Variants in PIAS1 observed in about 807,000 individuals in gnomAD.
PIAS1 encodes E3 SUMO-protein ligase PIAS1.
Under a neutral mutation model 71.3 loss-of-function variants are expected in PIAS1, and 6 were observed. The ratio of observed to expected loss-of-function variants is 0.08; its 90% CI spans 0.05 to 0.17. The LOEUF is 0.17. Among genes scored for constraint, PIAS1 ranks in the 10% least tolerant of loss-of-function variants. The pLI is 1.00. For synonymous variants in PIAS1, 303 were observed against 292.9 expected, an observed-to-expected ratio of 1.03 and a Z score of -0.35; for missense variants, 555 against 793.6, an observed-to-expected ratio of 0.70 and a Z score of 3.61.
chr15:68,059,209 G>T (rs933933517), intron 1 of PIAS1, among the ~76,000 whole-genome samples: 2 of 151,654 alleles, frequency 1.3e-5, no homozygotes, highest in African/African-American at 4.8e-5. Flanking sequence ...GCGTTTCACC[G>T]TGTTGGTCAG....
In PIAS1 at chr15:68,087,452, A is replaced by G. The variant is rs993376294; in HGVS notation, c.469+702A>G. ...TAAAACTCAACTGTTGTGACCTCTG[A>G]TGCCTTTGGTATAATATATTTAAAA... On this transcript the variant is annotated intron_variant, in intron 2 of 13. Coordinates refer to ENST00000249636, the MANE Select transcript of PIAS1 (RefSeq NM_016166.3). Among the ~76,000 whole-genome samples, 5 of 152,224 alleles carry G rather than the reference A, an allele frequency of 3.3e-5. No individual in the cohort carries two copies. The South Asian group carries it at 8.3e-4, about 25-fold the overall frequency.
chr15:68,166,046 A>G (rs911902635), intron 8 of PIAS1, among the ~76,000 whole-genome samples: 11 of 152,200 alleles, frequency 7.2e-5, no homozygotes, highest in Non-Finnish European at 1.5e-4. Flanking sequence ...TTTGTAATTT[A>G]TGAAACTTCA....
At position 68,167,162 on chromosome 15, in the gene PIAS1, T is replaced by C. The variant is rs2092962655; in HGVS notation, c.1008+2358T>C. On this transcript the variant is annotated intron_variant, in intron 8 of 13. Coordinates refer to ENST00000249636, the MANE Select transcript of PIAS1 (RefSeq NM_016166.3). This position sits in a 1 kb window ranked among gnomAD's most constrained non-coding sequence, Gnocchi z 4.4. Reference sequence around the variant, plus strand: ...TTGACATCTGCTTTAAAAATTCAGATTATAAAACAAAACAACTATATATGT... The same window carrying C: ...TTGACATCTGCTTTAAAAATTCAGACTATAAAACAAAACAACTATATATGT... 6.6e-6 allele frequency among the ~76,000 whole-genome samples: 1 copy of C among 151,160 alleles called. No homozygotes were observed. Among genetic ancestry groups the C allele is most frequent in the South Asian group, 2.1e-4 (1 of 4,792 alleles).
intron 2 of PIAS1, among the ~76,000 whole-genome samples, chr15:68,095,249 T>C (rs1048784789): frequency 6.6e-6 from 1 of 152,110 alleles, no homozygotes; most frequent in Non-Finnish European, 1.5e-5. Flanking sequence ...AGTATAATAC[T>C]GTATAGTGTT....
At chr15:68,162,573 T>G (rs2092931277) in intron 7 of PIAS1, among the ~76,000 whole-genome samples, 1 of 152,130 alleles carries the variant, frequency 6.6e-6, no homozygotes. Context: ...CCACAATAGA[T>G]AGGCCATCAG....
At chr15:68,129,266 C>G (rs1025895431) in intron 2 of PIAS1, among the ~76,000 whole-genome samples, 1 of 152,108 alleles carries the variant, frequency 6.6e-6, no homozygotes, top group Non-Finnish European at 1.5e-5. Context: ...CAGGGTCTCA[C>G]TATATTGCCC....
At chr15:68,131,054 A>C (rs543564556) in intron 2 of PIAS1, among the ~76,000 whole-genome samples, 1 of 152,246 alleles carries the variant, frequency 6.6e-6, no homozygotes, top group South Asian at 2.1e-4. Flanking sequence ...CCAAGGTCAC[A>C]CAATTACTGA....
At chr15:68,128,894 A>C (rs2141029027) in intron 2 of PIAS1, among the ~76,000 whole-genome samples, 1 of 152,282 alleles carries the variant, frequency 6.6e-6, no homozygotes, top group South Asian at 2.1e-4. Context: ...GAAAAGATAA[A>C]CATTGATAAT....
intron 2 of PIAS1, among the ~76,000 whole-genome samples, chr15:68,139,442 C>T (rs2092755077): frequency 1.3e-5 from 2 of 152,144 alleles, no homozygotes; most frequent in South Asian, 2.1e-4. Context: ...TAGCAAAGTA[C>T]TTGTACATAC....
chr15:68,093,203 A>G (rs1163350970), intron 2 of PIAS1, among the ~76,000 whole-genome samples: 2 of 152,250 alleles, frequency 1.3e-5, no homozygotes, highest in Non-Finnish European at 2.9e-5. Context: ...GGTCTTTCCC[A>G]GAGCATTTAA....
intron 4 of PIAS1, among the ~76,000 whole-genome samples, chr15:68,143,413 G>A (rs2092785942): frequency 6.6e-6 from 1 of 152,078 alleles, no homozygotes; most frequent in Non-Finnish European, 1.5e-5. Flanking sequence ...AGAAAGCAGA[G>A]TTGAAGTCGA....
intron 2 of PIAS1, among the ~76,000 whole-genome samples, chr15:68,109,998 T>C (rs2092508352): frequency 6.6e-6 from 1 of 152,196 alleles, no homozygotes; most frequent in Non-Finnish European, 1.5e-5. Flanking sequence ...GTGGAATTTC[T>C]CAATTTTTAA....
At chr15:68,116,434 C>T (rs542712935) in intron 2 of PIAS1, among the ~76,000 whole-genome samples, 3 of 152,054 alleles carry the variant, frequency 2.0e-5, no homozygotes, top group East Asian at 3.9e-4. Flanking sequence ...GTGATATAAC[C>T]TCTTATTCCT....
At position 68,121,270 on chromosome 15, in the gene PIAS1, T is replaced by G. The variant is rs571815282; in HGVS notation, c.470-20676T>G. On this transcript the variant is annotated intron_variant, in intron 2 of 13. Transcript: ENST00000249636. ...CAGTTGACATGTTTTTTTGTTTTTT[T>G]TTTTTCTTTTGGCACTTCAAAAATT... 6.1e-3 allele frequency among the ~76,000 whole-genome samples: 929 copies of G among 152,042 alleles called. 5 individuals carry two copies. Among genetic ancestry groups the G allele is most frequent in the East Asian group, 0.032 (167 of 5,182 alleles).
chr15:68,146,707 A>T lies in PIAS1; in HGVS notation c.828+7A>T. ...GACTGCAGAAATTGGAAGAGTAAGT[A>T]AATTTTTGTTTCTACCAGATTTTTG... On this transcript the variant is annotated splice_region_variant and intron_variant, in intron 6 of 13. Coordinates refer to ENST00000249636, the MANE Select transcript of PIAS1 (RefSeq NM_016166.3). 6.2e-7 allele frequency: 1 copy of T among 1,602,214 alleles called. No individual in the cohort carries two copies.
intron 1 of PIAS1, among the ~76,000 whole-genome samples, chr15:68,084,086 A>G (rs572943799): frequency 3.9e-5 from 6 of 152,302 alleles, no homozygotes; most frequent in Non-Finnish European, 8.8e-5. Flanking sequence ...TTCTACAAAA[A>G]TAGGAAAATG....
In PIAS1 at chr15:68,054,584, G is replaced by A. The variant is rs2091874059; in HGVS notation, c.24+234G>A. 2.2e-6 allele frequency: 1 copy of A among 457,808 alleles called. No individual in the cohort carries two copies. The highest frequency in any genetic ancestry group is 3.9e-6 in the Non-Finnish European group (1 of 258,938). The allele number at this position is 457,808 out of a possible 1,614,324, so 28.4% of individuals were successfully genotyped here. On this transcript the variant is annotated intron_variant, in intron 1 of 13. Coordinates refer to ENST00000249636, the MANE Select transcript of PIAS1 (RefSeq NM_016166.3). The surrounding 1 kb of genome is among the most constrained non-coding windows in gnomAD (Gnocchi z 4.6). ...TCGTCCCCGGCGTGTTATTGTTGTG[G>A]GCGCCTCTGGCGGGGGTGGCGGGGG...
rs571427458 is a variant in PIAS1, at chr15:68,112,280, C to T, written c.469+25530C>T. 2.7e-4 allele frequency among the ~76,000 whole-genome samples: 41 copies of T among 152,140 alleles called. 1 individual carries two copies. The South Asian group carries it at 8.5e-3, about 32-fold the overall frequency. ...TCTCTGCTACATTATCAATTTTTTG[C>T]CTCTTTACTAGCTCAGTCCCCCATC... On this transcript the variant is annotated intron_variant, in intron 2 of 13. Transcript: ENST00000249636.
In PIAS1 at chr15:68,098,563, A is replaced by G. The variant is rs573298070; in HGVS notation, c.469+11813A>G. Among the ~76,000 whole-genome samples, 33 of 152,310 alleles carry G rather than the reference A, an allele frequency of 2.2e-4. No individual in the cohort carries two copies. The South Asian group carries it at 6.6e-3, about 31-fold the overall frequency. On this transcript the variant is annotated intron_variant, in intron 2 of 13. Transcript: ENST00000249636. The stretch of plus-strand genomic sequence containing the variant: ...TTGTTTTTAAATTTTTAAATAGATA[A>G]TACATTGATGTACAAAACTCAAAAG...
Sources: allele counts gnomAD v4.1 joint callset (sites outside exome capture counted in the v4.1 genomes callset), GRCh38; gene constraint gnomAD v4.1.1; non-coding constraint Gnocchi (gnomAD v3.1); transcripts MANE v1.5; gene names NCBI Gene and HGNC (gene_info 2026-07-23, HGNC 2026-07-21).